OSBPL6: variants seen among roughly 807,000 people sequenced by gnomAD.
The protein encoded by OSBPL6 is oxysterol-binding protein-related protein 6.
In OSBPL6, 49 loss-of-function variants were observed where a neutral mutation model predicts 125.8. The ratio of observed to expected loss-of-function variants is 0.39; its 90% CI spans 0.31 to 0.49. The LOEUF (loss-of-function observed/expected upper bound fraction) is 0.49, where lower values mean the gene tolerates loss of function less well. Among genes scored for constraint, OSBPL6 ranks in the 20% least tolerant of loss-of-function variants. The probability of loss-of-function intolerance (pLI) is 0.88; values close to 1 mark genes in which losing one functional copy is unlikely to be tolerated. For synonymous variants in OSBPL6, 394 were observed against 391.8 expected (o/e 1.01, Z -0.07); for missense variants, 986 against 1,135.4 (o/e 0.87, Z 1.89).
rs746689218 is a variant in OSBPL6, at chr2:178,392,408, C to T, written c.2447-4C>T. The T allele has an allele frequency of 6.2e-7, 1 of 1,613,892 alleles. No individual in the cohort carries two copies. The highest frequency in any genetic ancestry group is 8.5e-7 in the Non-Finnish European group (1 of 1,179,824). ...CTCACAGTGGTTCATTGGCCTCTTT[C>T]CAGGTTCCATGCCAACAAACTATGA... On this transcript the variant is annotated splice_region_variant and splice_polypyrimidine_tract_variant and intron_variant, in intron 22 of 24. Transcript: ENST00000190611.
chr2:178,257,071 A>G (rs1472039237), intron 1 of OSBPL6, among the ~76,000 whole-genome samples: 1 of 152,226 alleles, frequency 6.6e-6, no homozygotes, highest in African/African-American at 2.4e-5. Context: ...GGAAGGCCAA[A>G]TATCTAGCTT....
intron 15 of OSBPL6, among the ~76,000 whole-genome samples, chr2:178,379,225 AAAG>A (rs1026175692): frequency 1.3e-5 from 2 of 150,612 alleles, no homozygotes; most frequent in African/African-American, 2.4e-5. Context: ...GAAGTAAGGG[AAAG>A]AAGAAAGAAA....
intron 1 of OSBPL6, among the ~76,000 whole-genome samples, chr2:178,220,379 C>T (rs775761114): frequency 4.7e-4 from 72 of 152,106 alleles, no homozygotes; most frequent in Non-Finnish European, 9.7e-4. Flanking sequence ...TCACTGTAAC[C>T]TCTACCTCCC....
At chr2:178,344,247 G>A (rs12464380) in intron 11 of OSBPL6, 249,451 of 1,540,230 alleles carry the variant, frequency 0.16, 21,501 homozygotes, top group Admixed American at 0.27. Context: ...TTCCTCCCCC[G>A]TCCTGTGTTT....
intron 1 of OSBPL6, among the ~76,000 whole-genome samples, chr2:178,246,435 C>A (rs2091493608): frequency 6.6e-6 from 1 of 152,150 alleles, no homozygotes; most frequent in South Asian, 2.1e-4. Flanking sequence ...CACTCCTACT[C>A]CTTCAGCATT....
chr2:178,334,923 G>GA, intron 8 of OSBPL6, among the ~76,000 whole-genome samples: 1 of 152,206 alleles, frequency 6.6e-6, no homozygotes, highest in South Asian at 2.1e-4. Flanking sequence ...ATACCAACCA[G>GA]TTCTGAAATA....
intron 2 of OSBPL6, among the ~76,000 whole-genome samples, chr2:178,286,832 C>T (rs1684735902): frequency 6.6e-6 from 1 of 152,166 alleles, no homozygotes; most frequent in South Asian, 2.1e-4. Flanking sequence ...GCTATGCCCT[C>T]TATATGTGCA....
chr2:178,259,933 T>C (rs1225211724), intron 1 of OSBPL6, among the ~76,000 whole-genome samples: 1 of 152,176 alleles, frequency 6.6e-6, no homozygotes, highest in Non-Finnish European at 1.5e-5. Flanking sequence ...ATGTGAAACT[T>C]GGAGAGGATG....
rs192618512 is a variant in OSBPL6, at chr2:178,315,634, G to T, written c.103-8543G>T. Among the ~76,000 whole-genome samples, 277 of 152,242 alleles carry T rather than the reference G, an allele frequency of 1.8e-3. 3 individuals carry two copies. Among genetic ancestry groups the T allele is most frequent in the African/African-American group, 6.4e-3 (266 of 41,542 alleles). On this transcript the variant is annotated intron_variant, in intron 3 of 24. Transcript: ENST00000190611. Reference sequence around the variant, plus strand: ...GTTTTTACTTTGGAGGTTATCTCTTGTTACCTTGAGATGACTGGTTTTGGG... The same window carrying T: ...GTTTTTACTTTGGAGGTTATCTCTTTTTACCTTGAGATGACTGGTTTTGGG...
intron 1 of OSBPL6, among the ~76,000 whole-genome samples, chr2:178,246,254 A>G (rs926402973): frequency 2.0e-5 from 3 of 152,154 alleles, no homozygotes; most frequent in Non-Finnish European, 2.9e-5. Context: ...CATCAGTAAG[A>G]TCACCAGGGC....
intron 22 of OSBPL6, 108 bp downstream of exon 22, chr2:178,391,325 G>A: frequency 1.6e-6 from 2 of 1,212,848 alleles, no homozygotes; most frequent in Non-Finnish European, 2.2e-6. Flanking sequence ...CTTTAAGAGT[G>A]AGATTAAAAG....
At chr2:178,298,706 G>T (rs80236824) in intron 2 of OSBPL6, among the ~76,000 whole-genome samples, 1,880 of 134,224 alleles carry the variant, frequency 0.014, 46 homozygotes, top group African/African-American at 0.046. Context: ...TTTTTTTTTT[G>T]TTTTTTTTTT....
intron 5 of OSBPL6, among the ~76,000 whole-genome samples, chr2:178,330,130 G>A (rs1019979210): frequency 3.9e-5 from 6 of 152,030 alleles, no homozygotes; most frequent in African/African-American, 1.4e-4. Context: ...CATCCTTTGT[G>A]TTTCCCCAAA....
At chr2:178,220,940 C>T (rs2090312825) in intron 1 of OSBPL6, among the ~76,000 whole-genome samples, 1 of 152,116 alleles carries the variant, frequency 6.6e-6, no homozygotes, top group South Asian at 2.1e-4. Context: ...GCAGTGAAAG[C>T]ATCTGAAAAA....
Position 178,202,926 on chromosome 2 carries a change from A to C in OSBPL6, c.-351+8252A>C, listed in dbSNP as rs1295548238. ...TGGTTTTCTTTATGTCTTTTGTGCCACTGAGATTCATTAAGCATCTTTAAT... is the reference window on the plus strand; with the variant it reads ...TGGTTTTCTTTATGTCTTTTGTGCCCCTGAGATTCATTAAGCATCTTTAAT... On this transcript the variant is annotated intron_variant, in intron 1 of 24. Transcript: ENST00000190611. Among the ~76,000 whole-genome samples the C allele has an allele frequency of 2.0e-5, 3 of 152,002 alleles. No homozygotes were observed. In the East Asian group the frequency reaches 5.8e-4, roughly 29 times the overall value.
At position 178,315,967 on chromosome 2, in the gene OSBPL6, C is replaced by T. The variant is rs557342784; in HGVS notation, c.103-8210C>T. Among the ~76,000 whole-genome samples the T allele has an allele frequency of 9.8e-5, 15 of 152,300 alleles. No homozygotes were observed. The East Asian group carries it at 2.7e-3, about 27-fold the overall frequency. Reference sequence around the variant, plus strand: ...CTACAAAACTGCTTTATTTGATTTTCAACTTGGACAAACAGAAAATCTTAC... The same window carrying T: ...CTACAAAACTGCTTTATTTGATTTTTAACTTGGACAAACAGAAAATCTTAC... On this transcript the variant is annotated intron_variant, in intron 3 of 24. Transcript: ENST00000190611.
intron 1 of OSBPL6, among the ~76,000 whole-genome samples, chr2:178,241,442 G>T (rs1198972760): frequency 2.8e-5 from 4 of 144,292 alleles, no homozygotes; most frequent in Non-Finnish European, 4.5e-5. Flanking sequence ...CTGAGACATG[G>T]TCTCATTCTG....
chr2:178,292,221 A>G (rs1388574106), intron 2 of OSBPL6, among the ~76,000 whole-genome samples: 1 of 152,170 alleles, frequency 6.6e-6, no homozygotes, highest in Admixed American at 6.6e-5. Context: ...CATAAAATTG[A>G]AATCCAACAT....
chr2:178,301,974 T>G (rs1686335641), intron 2 of OSBPL6, among the ~76,000 whole-genome samples: 1 of 152,218 alleles, frequency 6.6e-6, no homozygotes, highest in Non-Finnish European at 1.5e-5. Context: ...TTCAGGACTG[T>G]GAGAAAGACA....
Sources: allele counts gnomAD v4.1 joint callset (sites outside exome capture counted in the v4.1 genomes callset), GRCh38; gene constraint gnomAD v4.1.1; transcripts MANE v1.5; gene names NCBI Gene and HGNC (gene_info 2026-07-23, HGNC 2026-07-21).